The following MYT1L variants were observed in gnomAD, a reference collection of about 807,000 sequenced individuals.
MYT1L encodes the protein myelin transcription factor 1 like.
In MYT1L, 12 loss-of-function variants were observed where a neutral mutation model predicts 126.7. The ratio of observed to expected loss-of-function variants is 0.09; its 90% confidence interval spans 0.06 to 0.15. MYT1L has a LOEUF of 0.15. Among genes scored for constraint, MYT1L ranks in the 10% least tolerant of loss-of-function variants. The probability of loss-of-function intolerance (pLI) is 1.00; values close to 1 mark genes in which losing one functional copy is unlikely to be tolerated. For missense variants in MYT1L, 979 were observed against 1,585.2 expected (o/e 0.62, Z 6.49); for synonymous variants, 541 against 604.2 (o/e 0.90, Z 1.53).
intron 3 of MYT1L, among the ~76,000 whole-genome samples, chr2:2,085,226 A>G (rs1021924287): frequency 1.3e-5 from 2 of 152,116 alleles, no homozygotes; most frequent in Non-Finnish European, 2.9e-5. Flanking sequence ...ATTATTCTGC[A>G]CATGTGCTCA....
At chr2:1,914,680 A>G (rs916467064) in intron 11 of MYT1L, among the ~76,000 whole-genome samples, 2 of 152,070 alleles carry the variant, frequency 1.3e-5, no homozygotes, top group Non-Finnish European at 2.9e-5. Flanking sequence ...TTCTGTACAG[A>G]TTATCGGCCC....
chr2:2,288,254 C>G (rs2095551301), intron 1 of MYT1L, among the ~76,000 whole-genome samples: 1 of 152,200 alleles, frequency 6.6e-6, no homozygotes, highest in Non-Finnish European at 1.5e-5. Flanking sequence ...CCTAACGTCA[C>G]TTAGTTTGTC....
chr2:2,321,738 T>C (rs937977312), intron 1 of MYT1L, among the ~76,000 whole-genome samples: 6 of 152,198 alleles, frequency 3.9e-5, no homozygotes, highest in African/African-American at 1.4e-4. Context: ...TATTAATTCA[T>C]GAGTTGTTTG....
intron 2 of MYT1L, among the ~76,000 whole-genome samples, chr2:2,271,974 A>T (rs923074050): frequency 6.6e-6 from 1 of 152,188 alleles, no homozygotes; most frequent in Non-Finnish European, 1.5e-5. Context: ...TTCATGATTC[A>T]TTCTGCCTGT....
At chr2:1,930,850 G>A (rs1211812391) in intron 9 of MYT1L, among the ~76,000 whole-genome samples, 2 of 152,152 alleles carry the variant, frequency 1.3e-5, no homozygotes, top group African/African-American at 4.8e-5. Context: ...GGGGTTTGCT[G>A]TACAGATTAG....
chr2:1,804,982 T>C (rs1011783001), intron 22 of MYT1L, among the ~76,000 whole-genome samples: 7 of 152,154 alleles, frequency 4.6e-5, no homozygotes, highest in African/African-American at 1.7e-4. Context: ...AAGCCACTGA[T>C]GGTACAACTT....
intron 2 of MYT1L, among the ~76,000 whole-genome samples, chr2:2,232,647 C>T (rs377111448): frequency 1.6e-4 from 24 of 152,224 alleles, no homozygotes; most frequent in Admixed American, 1.6e-3. Flanking sequence ...TTTCTTCACA[C>T]GACTCCTCGG....
chr2:2,036,590 C>T (rs369794276), intron 4 of MYT1L, among the ~76,000 whole-genome samples: 10 of 152,246 alleles, frequency 6.6e-5, no homozygotes, highest in African/African-American at 1.9e-4. Context: ...AGCCACGCTT[C>T]AGTCTTCCTT....
intron 2 of MYT1L, among the ~76,000 whole-genome samples, chr2:2,254,830 C>A (rs890932771): frequency 6.6e-6 from 1 of 152,188 alleles, no homozygotes; most frequent in Non-Finnish European, 1.5e-5. Flanking sequence ...TGTCCTCCAA[C>A]TGATCTACCA....
intron 2 of MYT1L, among the ~76,000 whole-genome samples, chr2:2,214,264 TC>T (rs2093614430): frequency 6.8e-6 from 1 of 146,250 alleles, no homozygotes; most frequent in African/African-American, 2.6e-5. Flanking sequence ...AAATTATCTA[TC>T]TATCTATCTA....
chr2:2,253,861 A>T (rs1318470328), intron 2 of MYT1L, among the ~76,000 whole-genome samples: 1 of 152,104 alleles, frequency 6.6e-6, no homozygotes, highest in Non-Finnish European at 1.5e-5. Flanking sequence ...AGCCACTGCC[A>T]CTCTCCTAAG....
At position 2,151,882 on chromosome 2, in the gene MYT1L, C is replaced by T. The variant is rs537050733; in HGVS notation, c.-304+20990G>A. On this transcript the variant is annotated intron_variant, in intron 3 of 24. Transcript: ENST00000647738. Reference sequence around the variant, plus strand: ...CCAGCCTGGCCAACATAATGAAACCCGGTCTCTACTAAAAACGCAAAAAAT... The same window carrying T: ...CCAGCCTGGCCAACATAATGAAACCTGGTCTCTACTAAAAACGCAAAAAAT... Among the ~76,000 whole-genome samples the T allele has an allele frequency of 4.3e-4, 65 of 152,212 alleles. No individual in the cohort carries two copies. In the South Asian group the frequency reaches 8.9e-3, roughly 21 times the overall value.
chr2:1,793,443 T>A lies in MYT1L; in HGVS notation c.3277-979A>T, dbSNP rs547948135. 2.6e-3 allele frequency among the ~76,000 whole-genome samples: 399 copies of A among 152,312 alleles called. 4 individuals carry two copies. The highest frequency in any genetic ancestry group is 9.3e-3 in the African/African-American group (387 of 41,584). On this transcript the variant is annotated intron_variant, in intron 23 of 24. Transcript: ENST00000647738. The surrounding 1 kb of genome is among the most constrained non-coding windows in gnomAD (Gnocchi z 4.6). ...CGACCCGCAGAGTCCAGGGCTGGCT[T>A]GCCTGGCCTGCCCGCTCCTCTCCTT...
intron 19 of MYT1L, chr2:1,841,802 T>G (rs753674702): frequency 6.6e-6 from 1 of 152,198 alleles, no homozygotes; most frequent in Admixed American, 6.5e-5. Flanking sequence ...CCATCTCAGG[T>G]TCGTGTCTTG....
chr2:2,198,002 C>T (rs1038679122), intron 2 of MYT1L, among the ~76,000 whole-genome samples: 2 of 151,570 alleles, frequency 1.3e-5, no homozygotes, highest in African/African-American at 4.9e-5. Flanking sequence ...TACATGCACA[C>T]ACATACACAA....
At chr2:1,898,033 T>C (rs187099443) in intron 14 of MYT1L, among the ~76,000 whole-genome samples, 1 of 152,248 alleles carries the variant, frequency 6.6e-6, no homozygotes, top group Admixed American at 6.5e-5. Context: ...GTAATAATAA[T>C]AAACAAAACA....
intron 4 of MYT1L, among the ~76,000 whole-genome samples, chr2:2,031,799 G>C (rs1411565716): frequency 2.1e-5 from 3 of 141,908 alleles, no homozygotes; most frequent in Non-Finnish European, 4.6e-5. Context: ...CTCTCATCCT[G>C]TGGCCCAGAG....
chr2:2,036,708 G>A (rs780711841), intron 4 of MYT1L, among the ~76,000 whole-genome samples: 1 of 152,052 alleles, frequency 6.6e-6, no homozygotes, highest in Non-Finnish European at 1.5e-5. Flanking sequence ...CTACATCATC[G>A]CTCACCTGAC....
At position 1,864,791 on chromosome 2, in the gene MYT1L, G is replaced by C. The variant is rs73186607; in HGVS notation, c.2712-13088C>G. Among the ~76,000 whole-genome samples the C allele has an allele frequency of 1.0e-3, 157 of 152,110 alleles. 1 individual carries two copies. Among genetic ancestry groups the C allele is most frequent in the Non-Finnish European group, 2.0e-3 (136 of 67,992 alleles). On this transcript the variant is annotated intron_variant, in intron 18 of 24. Coordinates refer to ENST00000647738, the MANE Select transcript of MYT1L (RefSeq NM_001303052.2). ...TTGAAGCCTCCTCAGCAGCCACTTC[G>C]GGGCAGCCTTCATGCTCTACAGGTT...
Sources: allele counts gnomAD v4.1 joint callset (sites outside exome capture counted in the v4.1 genomes callset), GRCh38; gene constraint gnomAD v4.1.1; non-coding constraint Gnocchi (gnomAD v3.1); transcripts MANE v1.5; gene names NCBI Gene and HGNC (gene_info 2026-07-23, HGNC 2026-07-21).